SNTB1: variants seen among roughly 807,000 people sequenced by gnomAD.
SNTB1 encodes beta-1-syntrophin.
A neutral mutation model predicts 48.9 loss-of-function variants in SNTB1; 36 were observed. That is an observed-to-expected ratio of 0.74 (90% CI 0.56 to 0.97). The LOEUF (loss-of-function observed/expected upper bound fraction) is 0.97. Among genes scored for constraint, SNTB1 ranks in the 50% least tolerant of loss-of-function variants. The pLI, the probability that SNTB1 is intolerant of heterozygous loss-of-function variation, is 0.00. For synonymous variants in SNTB1, 299 were observed against 294.6 expected (o/e 1.01, Z -0.15); for missense variants, 786 against 703.4 (o/e 1.12, Z -1.33).
chr8:120,557,855 A>G (rs1290389350), intron 4 of SNTB1, among the ~76,000 whole-genome samples: 5 of 152,224 alleles, frequency 3.3e-5, no homozygotes, highest in African/African-American at 1.2e-4. Flanking sequence ...TTGCAAAGGA[A>G]AGTATACACA....
At chr8:120,737,851 C>T (rs1380232018) in intron 1 of SNTB1, among the ~76,000 whole-genome samples, 3 of 152,154 alleles carry the variant, frequency 2.0e-5, no homozygotes, top group Non-Finnish European at 4.4e-5. Context: ...ATATAAGTGG[C>T]TGAGCCAATC....
At chr8:120,598,387 T>C (rs1290868574) in intron 3 of SNTB1, among the ~76,000 whole-genome samples, 3 of 152,224 alleles carry the variant, frequency 2.0e-5, no homozygotes, top group African/African-American at 7.2e-5. Context: ...CAAACTTTCT[T>C]CATCCTTTAG....
intron 3 of SNTB1, among the ~76,000 whole-genome samples, chr8:120,597,065 C>A (rs1816339411): frequency 6.6e-6 from 1 of 152,112 alleles, no homozygotes; most frequent in African/African-American, 2.4e-5. Context: ...TCTGGATGAG[C>A]CCTAAATGCA....
chr8:120,584,719 C>A (rs898956379), intron 3 of SNTB1, among the ~76,000 whole-genome samples: 1 of 152,052 alleles, frequency 6.6e-6, no homozygotes, highest in Non-Finnish European at 1.5e-5. Flanking sequence ...GTGACCTGAT[C>A]TGGAAATAGG....
At chr8:120,651,750 GAA>G (rs34372993) in intron 2 of SNTB1, among the ~76,000 whole-genome samples, 3,519 of 152,178 alleles carry the variant, frequency 0.023, 129 homozygotes, top group African/African-American at 0.081. Context: ...AAGGAAAACG[GAA>G]AAAACTCAAG....
Position 120,810,581 on chromosome 8 carries a change from G to GAAT in SNTB1, c.571+689_571+691dup, listed in dbSNP as rs1166965631. Among the ~76,000 whole-genome samples the GAAT allele has an allele frequency of 5.3e-5, 8 of 152,294 alleles. No homozygotes were observed. In the East Asian group the frequency reaches 1.5e-3, roughly 29 times the overall value. ...CCAGCTCTCAACCCAGAGGAACCTGGAATCCAGACTGACCGGCCAGATGCC... is the reference window on the plus strand; with the variant it reads ...CCAGCTCTCAACCCAGAGGAACCTGGAATAATCCAGACTGACCGGCCAGATGCC... On this transcript the variant is annotated intron_variant, in intron 1 of 6. Transcript: ENST00000517992.
chr8:120,580,400 T>C (rs1816025977), intron 3 of SNTB1, among the ~76,000 whole-genome samples: 1 of 152,206 alleles, frequency 6.6e-6, no homozygotes, highest in Non-Finnish European at 1.5e-5. Flanking sequence ...ATGCTGAGGA[T>C]GGCCTCCCAT....
At chr8:120,735,970 C>T (rs976160030) in intron 1 of SNTB1, among the ~76,000 whole-genome samples, 1 of 152,090 alleles carries the variant, frequency 6.6e-6, no homozygotes. Context: ...ATAAAGAATT[C>T]CCCGAGACTG....
intron 2 of SNTB1, among the ~76,000 whole-genome samples, chr8:120,651,475 A>G (rs548478157): frequency 6.6e-6 from 1 of 152,342 alleles, no homozygotes; most frequent in East Asian, 1.9e-4. Flanking sequence ...AACTAGAGCT[A>G]CAATTAGCTG....
intron 2 of SNTB1, among the ~76,000 whole-genome samples, chr8:120,674,604 C>A (rs116347303): frequency 5.9e-5 from 9 of 152,114 alleles, no homozygotes; most frequent in Non-Finnish European, 1.0e-4. Flanking sequence ...GTCTTCAATG[C>A]GGTTTGTTTT....
intron 3 of SNTB1, among the ~76,000 whole-genome samples, chr8:120,606,832 T>C (rs533629676): frequency 6.6e-6 from 1 of 152,312 alleles, no homozygotes; most frequent in Non-Finnish European, 1.5e-5. Flanking sequence ...ACAAAAAACA[T>C]TATTGTTTCT....
chr8:120,736,239 G>A (rs1818942240), intron 1 of SNTB1, among the ~76,000 whole-genome samples: 1 of 152,130 alleles, frequency 6.6e-6, no homozygotes, highest in African/African-American at 2.4e-5. Context: ...CTTGACACGT[G>A]GGGATTATGG....
chr8:120,636,060 T>A (rs981984054), intron 2 of SNTB1: 18 of 746,058 alleles, frequency 2.4e-5, no homozygotes, highest in Admixed American at 9.4e-5. Flanking sequence ...CTTTTTTTTT[T>A]ATTATTTTAA....
At chr8:120,597,080 C>T (rs913329020) in intron 3 of SNTB1, among the ~76,000 whole-genome samples, 1 of 152,156 alleles carries the variant, frequency 6.6e-6, no homozygotes, top group Non-Finnish European at 1.5e-5. Context: ...AATGCAATCA[C>T]AAGCCCTAAA....
intron 2 of SNTB1, among the ~76,000 whole-genome samples, chr8:120,639,436 T>TG (rs1266835594): frequency 6.6e-6 from 1 of 151,972 alleles, no homozygotes; most frequent in East Asian, 1.9e-4. Context: ...CCATTGCTTT[T>TG]GTGTTTTAGA....
In SNTB1 at chr8:120,697,117, AATG is replaced by A. The variant is rs1818225017; in HGVS notation, c.572-3212_572-3210del. On this transcript the variant is annotated intron_variant, in intron 1 of 6. Transcript: ENST00000517992. Reference sequence around the variant, plus strand: ...CACATAAGGGAAGAGTAATCCCAGAAATGTGTGGCTTTAGCCATTCCTGGGAAG... The same window carrying A: ...CACATAAGGGAAGAGTAATCCCAGAATGTGGCTTTAGCCATTCCTGGGAAG... Among the ~76,000 whole-genome samples the A allele has an allele frequency of 3.9e-5, 6 of 152,324 alleles. No individual in the cohort carries two copies. The South Asian group carries it at 1.2e-3, about 32-fold the overall frequency.
intron 4 of SNTB1, among the ~76,000 whole-genome samples, chr8:120,554,275 G>A (rs1280826322): frequency 6.6e-6 from 1 of 152,146 alleles, no homozygotes; most frequent in Non-Finnish European, 1.5e-5. Flanking sequence ...GTCTGTCTAG[G>A]GTTGGTTCCC....
At chr8:120,641,361 A>T (rs1379312484) in intron 2 of SNTB1, among the ~76,000 whole-genome samples, 1 of 152,214 alleles carries the variant, frequency 6.6e-6, no homozygotes. Flanking sequence ...TAGGAATTTA[A>T]AGCATGCAAA....
At chr8:120,804,419 C>A (rs1207216944) in intron 1 of SNTB1, among the ~76,000 whole-genome samples, 1 of 152,168 alleles carries the variant, frequency 6.6e-6, no homozygotes, top group East Asian at 1.9e-4. Context: ...TCCTCAATTA[C>A]TTGAAGCTCC....
Sources: allele counts gnomAD v4.1 joint callset (sites outside exome capture counted in the v4.1 genomes callset), GRCh38; gene constraint gnomAD v4.1.1; transcripts MANE v1.5; gene names NCBI Gene and HGNC (gene_info 2026-07-23, HGNC 2026-07-21).